The following CCDC68 variants were observed in gnomAD, a reference collection of about 807,000 sequenced individuals.
The protein encoded by CCDC68 is coiled-coil domain containing 68.
Under a neutral mutation model 47.1 loss-of-function variants are expected in CCDC68, and 45 were observed. The observed-to-expected ratio is 0.96, with a 90% CI of 0.75 to 1.23. The LOEUF (loss-of-function observed/expected upper bound fraction) is 1.23, where lower values mean the gene tolerates loss of function less well. Among genes scored for constraint, CCDC68 ranks in the 50% most tolerant of loss-of-function variants. The pLI is 0.00. For missense variants in CCDC68, 353 were observed against 373.6 expected, an observed-to-expected ratio of 0.94 and a Z score of 0.45; for synonymous variants, 131 against 129.5, an observed-to-expected ratio of 1.01 and a Z score of -0.08.
intron 5 of CCDC68, chr18:54,937,471 T>C (rs1465998876): frequency 6.5e-6 from 1 of 153,118 alleles, no homozygotes; most frequent in African/African-American, 2.4e-5. Context: ...GGACTGCATA[T>C]AAAATAAACC....
Position 54,904,081 on chromosome 18 carries a change from C to A in CCDC68, c.*277G>T. On this transcript the variant is annotated 3_prime_UTR_variant, in exon 12 of 12. Coordinates refer to ENST00000591504, the MANE Select transcript of CCDC68 (RefSeq NM_025214.3). ...GAAAAAAAAATCTGAAAACAAGATT[C>A]AGATTTTTTTTTTTTTTTAATTTAA... The A allele has an allele frequency of 1.0e-5, 2 of 192,968 alleles. No individual in the cohort carries two copies. The highest frequency in any genetic ancestry group is 1.7e-5 in the Non-Finnish European group (2 of 117,442). The allele number at this position is 192,968 out of a possible 1,614,324, so 12.0% of individuals were successfully genotyped here.
intron 1 of CCDC68, among the ~76,000 whole-genome samples, chr18:54,952,085 A>C (rs768911804): frequency 1.3e-5 from 2 of 152,230 alleles, no homozygotes; most frequent in Non-Finnish European, 2.9e-5. Context: ...CTTGTAGGAC[A>C]TGATTTGAAA....
At chr18:54,952,239 G>A (rs1170919055) in intron 1 of CCDC68, among the ~76,000 whole-genome samples, 1 of 150,758 alleles carries the variant, frequency 6.6e-6, no homozygotes, top group Non-Finnish European at 1.5e-5. Context: ...ATAAAAGGAA[G>A]CTGAGGTCAA....
Position 54,938,054 on chromosome 18 carries a change from G to A in CCDC68, c.248C>T (p.Pro83Leu). 1 of 1,613,738 alleles carries A rather than the reference G, an allele frequency of 6.2e-7. No individual in the cohort carries two copies. The highest frequency in any genetic ancestry group is 8.5e-7 in the Non-Finnish European group (1 of 1,179,766). ...AAGCAAATCCAAACTGCAACAAGAA[G>A]GATCCATTTCAGAATCAGAGCCCTG... ...LQQGSDSEMD[P>L]SCCSLDLLMK... Residue 83 changes from proline (P) to leucine (L), a missense_variant, in exon 5 of 12, where the codon CCT becomes CTT. Transcript: ENST00000591504.
chr18:54,922,983 G>A (rs1197075968), intron 8 of CCDC68, among the ~76,000 whole-genome samples: 36 of 92,008 alleles, frequency 3.9e-4, no homozygotes, highest in African/African-American at 1.3e-3. Context: ...GCAAGACTCC[G>A]TCTCAAAAAA....
At chr18:54,926,090 T>C (rs2145470732) in intron 8 of CCDC68, among the ~76,000 whole-genome samples, 1 of 152,294 alleles carries the variant, frequency 6.6e-6, no homozygotes, top group South Asian at 2.1e-4. Flanking sequence ...AGCTTCAAGG[T>C]CTTTCCTCCT....
intron 7 of CCDC68, among the ~76,000 whole-genome samples, chr18:54,929,504 G>A (rs1404792749): frequency 6.6e-6 from 1 of 152,132 alleles, no homozygotes; most frequent in Non-Finnish European, 1.5e-5. Context: ...AAGGAAAACA[G>A]ACAAGACCAT....
intron 10 of CCDC68, among the ~76,000 whole-genome samples, chr18:54,911,627 G>A (rs1914374920): frequency 6.6e-6 from 1 of 152,080 alleles, no homozygotes; most frequent in East Asian, 1.9e-4. Flanking sequence ...AACAAGGGCA[G>A]GCACATATTA....
At chr18:54,944,800 A>G (rs1446302850) in intron 2 of CCDC68, among the ~76,000 whole-genome samples, 1 of 152,212 alleles carries the variant, frequency 6.6e-6, no homozygotes, top group East Asian at 1.9e-4. Flanking sequence ...AAACCTAAGC[A>G]TCATCACCTA....
At chr18:54,942,649 A>T in intron 3 of CCDC68, 26 bp downstream of exon 3, 1 of 1,310,956 alleles carries the variant, frequency 7.6e-7, no homozygotes, top group Non-Finnish European at 1.1e-6. Flanking sequence ...ATCATATCAT[A>T]CTAATGATTT....
At chr18:54,943,453 T>C (rs1157340439) in intron 2 of CCDC68, among the ~76,000 whole-genome samples, 2 of 152,156 alleles carry the variant, frequency 1.3e-5, no homozygotes, top group African/African-American at 4.8e-5. Context: ...GTTTTCATAC[T>C]AAACCACATA....
chr18:54,953,459 C>A (rs2044652679), intron 1 of CCDC68, among the ~76,000 whole-genome samples: 4 of 151,774 alleles, frequency 2.6e-5, no homozygotes. Flanking sequence ...ATTTGTTTTT[C>A]TTCATTCAAA....
At chr18:54,944,874 T>A (rs1181010098) in intron 2 of CCDC68, among the ~76,000 whole-genome samples, 13 of 152,190 alleles carry the variant, frequency 8.5e-5, no homozygotes, top group Admixed American at 8.5e-4. Flanking sequence ...CATTAATCAA[T>A]CTTAACATAA....
At position 54,920,320 on chromosome 18, in the gene CCDC68, G is replaced by GCGAT. The variant is rs1402661841; in HGVS notation, c.684-948_684-945dup. On this transcript the variant is annotated intron_variant, in intron 8 of 11. Coordinates refer to ENST00000591504, the MANE Select transcript of CCDC68 (RefSeq NM_025214.3). ...GTCGCCCAGGCTGGAGTGTAGTGAG[G>GCGAT]CGATCTTGGCTCACCGCAACCACCA... Among the ~76,000 whole-genome samples, 5 of 151,070 alleles carry GCGAT rather than the reference G, an allele frequency of 3.3e-5. No homozygotes were observed. The East Asian group carries it at 9.7e-4, about 29-fold the overall frequency.
chr18:54,940,383 A>G (rs1237438356), intron 4 of CCDC68, among the ~76,000 whole-genome samples: 2 of 152,188 alleles, frequency 1.3e-5, no homozygotes, highest in Non-Finnish European at 2.9e-5. Flanking sequence ...TAATAATTGA[A>G]GCTAGTTATG....
chr18:54,928,784 A>G lies in CCDC68; in HGVS notation c.683+16T>C. The G allele has an allele frequency of 2.6e-6, 4 of 1,560,624 alleles. No individual in the cohort carries two copies. The Middle Eastern group carries it at 5.0e-4, about 195-fold the overall frequency. The stretch of plus-strand genomic sequence containing the variant: ...AAATCAGGAACTGCCTTTACTTAAC[A>G]GGTAGCTTCACAAACCTTTTTCCAT... On this transcript the variant is annotated intron_variant, in intron 8 of 11. Transcript: ENST00000591504.
Position 54,903,450 on chromosome 18 carries a change from T to C in CCDC68, c.*908A>G, listed in dbSNP as rs1599013097. 1 of 152,212 alleles carries C rather than the reference T, an allele frequency of 6.6e-6. No homozygotes were observed. The highest frequency in any genetic ancestry group is 6.5e-5 in the Admixed American group (1 of 15,282). 9.4% of individuals were successfully genotyped at this position (152,212 alleles called of 1,614,324 possible). A position where few individuals can be genotyped will look rare whatever the true frequency, so the allele number is the denominator to read the frequency against. ...AATACACTATATATATCTTTCCAAT[T>C]CATAAATTCAGATTCTTTCTGGCTG... On this transcript the variant is annotated 3_prime_UTR_variant, in exon 12 of 12. Coordinates refer to ENST00000591504, the MANE Select transcript of CCDC68 (RefSeq NM_025214.3).
chr18:54,917,480 G>A (rs1321667704), intron 10 of CCDC68, among the ~76,000 whole-genome samples: 1 of 152,164 alleles, frequency 6.6e-6, no homozygotes, highest in East Asian at 1.9e-4. Flanking sequence ...TGGAAAATCC[G>A]AATGAACTTT....
rs186135031 is a variant in CCDC68 at position 54,955,588 on chromosome 18, A to G, written c.-103+3748T>C. ...TGCATTTGCCATAATAGTTAGCACA[A>G]AGCAAGGTCAGTGGAGATATATAAG... On this transcript the variant is annotated intron_variant, in intron 1 of 11. Transcript: ENST00000591504. Among the ~76,000 whole-genome samples the G allele has an allele frequency of 8.5e-5, 13 of 152,320 alleles. No individual in the cohort carries two copies. In the East Asian group the frequency reaches 2.3e-3, roughly 27 times the overall value.
Sources: allele counts gnomAD v4.1 joint callset (sites outside exome capture counted in the v4.1 genomes callset), GRCh38; gene constraint gnomAD v4.1.1; transcripts MANE v1.5; gene names NCBI Gene and HGNC (gene_info 2026-07-23, HGNC 2026-07-21).